ENDOV: variants seen among roughly 807,000 people sequenced by gnomAD.
ENDOV encodes the protein endonuclease V, also known as hEndoV.
Under a neutral mutation model 39.4 loss-of-function variants are expected in ENDOV, and 37 were observed. The ratio of observed to expected loss-of-function variants is 0.94; its 90% CI spans 0.72 to 1.23. ENDOV has a LOEUF of 1.23. ENDOV is among the 50% of genes most tolerant of loss of function. The probability of loss-of-function intolerance (pLI) is 0.00; values close to 1 mark genes in which losing one functional copy is unlikely to be tolerated. For missense variants in ENDOV, 441 were observed against 375.7 expected, an observed-to-expected ratio of 1.17 and a Z score of -1.44; for synonymous variants, 186 against 163.4, an observed-to-expected ratio of 1.14 and a Z score of -1.05.
chr17:80,424,258 T>C (rs2082416176), intron 5 of ENDOV: 1 of 399,090 alleles, frequency 2.5e-6, no homozygotes, highest in Non-Finnish European at 4.4e-6. Flanking sequence ...CATGGAGAAG[T>C]TGCTTAATAA....
chr17:80,428,352 C>CA, intron 7 of ENDOV: 1 of 542,158 alleles, frequency 1.8e-6, no homozygotes, highest in Non-Finnish European at 3.3e-6. Context: ...GCTACTCAGG[C>CA]CCTTCAGGGA....
intron 2 of ENDOV, among the ~76,000 whole-genome samples, chr17:80,416,787 G>T (rs5011062): frequency 0.017 from 2,221 of 133,834 alleles, 55 homozygotes; most frequent in African/African-American, 0.059. Flanking sequence ...CCCCCACTCT[G>T]TGCCCAGGCT....
intron 9 of ENDOV, among the ~76,000 whole-genome samples, 176 bp from the exon 10 acceptor site, chr17:80,435,957 G>A (rs536825655): frequency 6.6e-6 from 1 of 152,032 alleles, no homozygotes; most frequent in African/African-American, 2.4e-5. Context: ...GTCTCACCAT[G>A]TTACCCAGGC....
chr17:80,429,818 C>T lies in ENDOV; in HGVS notation c.825C>T (p.Ser275=), dbSNP rs1344893134. ...QRPVACPKGD[S]GESSALC ...CAGTGGCATGCCCCAAAGGAGACTCCGGAGAGTCCTCAGGTGAGGGCCAGC... is the reference window on the plus strand; with the variant it reads ...CAGTGGCATGCCCCAAAGGAGACTCTGGAGAGTCCTCAGGTGAGGGCCAGC... Residue 275 remains serine (S), a synonymous_variant, in exon 9 of 10, where the codon TCC becomes TCT. Coordinates refer to ENST00000518137, the MANE Select transcript of ENDOV (RefSeq NM_173627.5). The T allele has an allele frequency of 8.7e-6, 14 of 1,612,564 alleles. No individual in the cohort carries two copies. The highest frequency in any genetic ancestry group is 2.7e-5 in the African/African-American group (2 of 74,928).
intron 2 of ENDOV, among the ~76,000 whole-genome samples, chr17:80,416,710 C>T (rs28409766): frequency 5.8e-5 from 8 of 137,500 alleles, no homozygotes; most frequent in East Asian, 4.2e-4. Flanking sequence ...CTCCCTCCCT[C>T]CCTTCCTTCC....
intron 9 of ENDOV, among the ~76,000 whole-genome samples, chr17:80,432,076 G>T (rs1362837099): frequency 6.6e-6 from 1 of 152,168 alleles, no homozygotes; most frequent in Non-Finnish European, 1.5e-5. Context: ...TGTCTGGTGG[G>T]CGCTGAAGGT....
At chr17:80,424,064 C>T (rs1445417401) in intron 5 of ENDOV, 2 of 385,702 alleles carry the variant, frequency 5.2e-6, no homozygotes, top group Non-Finnish European at 4.6e-6. Context: ...CTGCCTGGAG[C>T]TGCCACCCAC....
intron 9 of ENDOV, among the ~76,000 whole-genome samples, chr17:80,435,670 G>C (rs946736963): frequency 6.6e-6 from 1 of 151,926 alleles, no homozygotes; most frequent in African/African-American, 2.4e-5. Flanking sequence ...GCTGGTGTGC[G>C]GTGGCGTGAT....
intron 2 of ENDOV, 154 bp downstream of exon 2, chr17:80,415,975 C>A (rs1298451103): frequency 1.1e-6 from 1 of 909,246 alleles, no homozygotes; most frequent in Middle Eastern, 3.3e-4. Context: ...CGGTGGCTCA[C>A]GCCTGCAATC....
intron 2 of ENDOV, 29 bp downstream of exon 2, chr17:80,415,850 C>G (rs997388621): frequency 6.4e-7 from 1 of 1,567,094 alleles, no homozygotes; most frequent in African/African-American, 1.4e-5. Flanking sequence ...GAGCTCGAGG[C>G]GGGCCCCTCG....
At chr17:80,425,156 A>G (rs967100308) in intron 6 of ENDOV, 56 bp downstream of exon 6, 2 of 1,466,250 alleles carry the variant, frequency 1.4e-6, no homozygotes, top group African/African-American at 2.8e-5. Flanking sequence ...GATCCTTTGC[A>G]GGCAGACACA....
At chr17:80,423,129 C>T (rs749057051) in intron 4 of ENDOV, among the ~76,000 whole-genome samples, 2 of 152,350 alleles carry the variant, frequency 1.3e-5, no homozygotes, top group East Asian at 1.9e-4. Flanking sequence ...CTGCTGCCCT[C>T]GCACATGGGT....
rs980466871 is a variant in ENDOV at position 80,437,387 on chromosome 17, G to C, written c.*1244G>C. ...TCCTCAGTAAGGCCTGTCTTTGGGG[G>C]AGCAGGGTTTCAGGAGGACAGTGGG... On this transcript the variant is annotated 3_prime_UTR_variant, in exon 10 of 10. Transcript: ENST00000518137. The C allele has an allele frequency of 7.2e-5, 11 of 152,842 alleles. No individual in the cohort carries two copies. Among genetic ancestry groups the C allele is most frequent in the African/African-American group, 2.6e-4 (11 of 41,580 alleles). 9.5% of individuals were successfully genotyped at this position (152,842 alleles called of 1,614,324 possible).
chr17:80,419,307 C>T (rs1019035814), intron 2 of ENDOV: 8 of 419,932 alleles, frequency 1.9e-5, no homozygotes, highest in Non-Finnish European at 3.0e-5. Flanking sequence ...GGCTGGAGAA[C>T]CACTGGCCTG....
intron 9 of ENDOV, chr17:80,433,019 C>G (rs966140404): frequency 1.1e-5 from 5 of 458,154 alleles, no homozygotes; most frequent in African/African-American, 7.9e-5. Flanking sequence ...GCTCAGCACC[C>G]CCTGCCCCAA....
intron 7 of ENDOV, among the ~76,000 whole-genome samples, chr17:80,426,928 C>T (rs1018492967): frequency 1.3e-4 from 20 of 152,226 alleles, no homozygotes; most frequent in Middle Eastern, 3.2e-3. Context: ...GGTGTCTGCC[C>T]CTTCCCCATC....
chr17:80,415,512 C>T (rs1052477731), intron 1 of ENDOV, 138 bp from the exon 2 acceptor site: 12 of 1,206,766 alleles, frequency 9.9e-6, no homozygotes, highest in East Asian at 2.6e-5. Flanking sequence ...GGACTGTGGC[C>T]TCGGCGGTAT....
intron 9 of ENDOV, among the ~76,000 whole-genome samples, chr17:80,431,380 C>T (rs926058957): frequency 1.3e-5 from 2 of 152,190 alleles, no homozygotes; most frequent in African/African-American, 4.8e-5. Context: ...TGTAGCTGCC[C>T]TTCCTTGATG....
At chr17:80,434,953 G>A (rs896951892) in intron 9 of ENDOV, among the ~76,000 whole-genome samples, 1 of 152,068 alleles carries the variant, frequency 6.6e-6, no homozygotes, top group African/African-American at 2.4e-5. Flanking sequence ...CAAAAAAAAA[G>A]TGGTATTTCA....
Sources: allele counts gnomAD v4.1 joint callset (sites outside exome capture counted in the v4.1 genomes callset), GRCh38; gene constraint gnomAD v4.1.1; transcripts MANE v1.5; gene names NCBI Gene and HGNC (gene_info 2026-07-23, HGNC 2026-07-21).